Variants in COL17A1 observed in about 807,000 individuals in gnomAD.
COL17A1 encodes the protein collagen alpha-1(XVII) chain.
A neutral mutation model predicts 218.4 loss-of-function variants in COL17A1; 181 were observed. That is an observed-to-expected ratio of 0.83 (90% CI 0.73 to 0.94). The LOEUF (loss-of-function observed/expected upper bound fraction) is 0.94. COL17A1 is among the 40% of genes least tolerant of loss of function. The pLI, the probability that COL17A1 is intolerant of heterozygous loss-of-function variation, is 0.00. For synonymous variants in COL17A1, 721 were observed against 731.0 expected, an observed-to-expected ratio of 0.99 and a Z score of 0.22; for missense variants, 1,924 against 1,945.9, an observed-to-expected ratio of 0.99 and a Z score of 0.21.
chr10:104,074,640 C>G (rs531028751), intron 5 of COL17A1, among the ~76,000 whole-genome samples: 2 of 152,178 alleles, frequency 1.3e-5, no homozygotes, highest in Non-Finnish European at 2.9e-5. Flanking sequence ...AAACGTGGAC[C>G]CAGTTAAAAT....
chr10:104,069,418 AC>A lies in COL17A1; in HGVS notation c.607+1007del, dbSNP rs2086652106. Among the ~76,000 whole-genome samples the A allele has an allele frequency of 9.2e-5, 14 of 152,246 alleles. No individual in the cohort carries two copies. In the South Asian group the frequency reaches 2.9e-3, roughly 32 times the overall value. ...GAAAGTTTACACATTAAATGGGATTACTATACCCCTTGGCATCCCCCTTCCT... is the reference window on the plus strand; with the variant it reads ...GAAAGTTTACACATTAAATGGGATTATATACCCCTTGGCATCCCCCTTCCT... On this transcript the variant is annotated intron_variant, in intron 9 of 55. Coordinates refer to ENST00000648076, the MANE Select transcript of COL17A1 (RefSeq NM_000494.4).
Position 104,054,135 on chromosome 10 carries a change from A to C in COL17A1, c.1745-17T>G. The C allele has an allele frequency of 1.2e-6, 2 of 1,602,672 alleles. No homozygotes were observed. Among genetic ancestry groups the C allele is most frequent in the Non-Finnish European group, 1.7e-6 (2 of 1,174,606 alleles). ...CTCGATCTCCTGCAGGAACAAAGGC[A>C]AAAGAGAGAGTGGTCAGCCAGAAGA... On this transcript the variant is annotated splice_polypyrimidine_tract_variant and intron_variant, in intron 20 of 55. Coordinates refer to ENST00000648076, the MANE Select transcript of COL17A1 (RefSeq NM_000494.4).
Position 104,032,158 on chromosome 10 carries a change from C to T in COL17A1, c.*77G>A. 1 of 1,164,228 alleles carries T rather than the reference C, an allele frequency of 8.6e-7. No homozygotes were observed. 72.1% of individuals were successfully genotyped at this position (1,164,228 alleles called of 1,614,324 possible). Reference sequence around the variant, plus strand: ...TAGGACATTGACAGACTCCAGCTTTCACCCTCTGGAGACCTTGGACCTAAG... The same window carrying T: ...TAGGACATTGACAGACTCCAGCTTTTACCCTCTGGAGACCTTGGACCTAAG... On this transcript the variant is annotated 3_prime_UTR_variant, in exon 56 of 56. Coordinates refer to ENST00000648076, the MANE Select transcript of COL17A1 (RefSeq NM_000494.4).
At chr10:104,037,525 CAT>C in intron 46 of COL17A1, 109 bp downstream of exon 46, 1 of 1,362,660 alleles carries the variant, frequency 7.3e-7, no homozygotes, top group Non-Finnish European at 1.0e-6. Context: ...AATTAAAACT[CAT>C]GTTCCAGAGA....
chr10:104,038,966 C>A (rs2274099), intron 44 of COL17A1, 105 bp downstream of exon 44: 1 of 1,289,728 alleles, frequency 7.8e-7, no homozygotes, highest in African/African-American at 1.5e-5. Flanking sequence ...CAATCAACAA[C>A]GAATCATGGA....
intron 54 of COL17A1, 24 bp from the exon 55 acceptor site, chr10:104,032,778 CTAAG>C (rs773391955): frequency 5.0e-5 from 81 of 1,613,496 alleles, no homozygotes; most frequent in Admixed American, 4.5e-4. Flanking sequence ...TGGGGCGTAA[CTAAG>C]TAATACATGA....
At chr10:104,038,887 C>T (rs896745863) in intron 44 of COL17A1, among the ~76,000 whole-genome samples, 184 bp downstream of exon 44, 1 of 152,180 alleles carries the variant, frequency 6.6e-6, no homozygotes, top group African/African-American at 2.4e-5. Flanking sequence ...CTGGGTCCTT[C>T]CCCTCAACCC....
chr10:104,068,884 G>A (rs550428467), intron 9 of COL17A1, among the ~76,000 whole-genome samples: 1 of 151,940 alleles, frequency 6.6e-6, no homozygotes, highest in African/African-American at 2.4e-5. Context: ...GGCAAGATAG[G>A]GGCCACTCAA....
intron 10 of COL17A1, among the ~76,000 whole-genome samples, chr10:104,064,086 T>C (rs763790551): frequency 3.3e-5 from 5 of 152,228 alleles, no homozygotes; most frequent in African/African-American, 4.8e-5. Flanking sequence ...CTCTTGTGAG[T>C]GACCCCACTT....
In COL17A1 at chr10:104,057,034, A is replaced by G. The variant is rs1426450363; in HGVS notation, c.1406T>C (p.Leu469Pro). 6.2e-7 allele frequency: 1 copy of G among 1,601,670 alleles called. No individual in the cohort carries two copies. The highest frequency in any genetic ancestry group is 8.5e-7 in the Non-Finnish European group (1 of 1,174,392). ...TAGCAGCCAGGTGAGCAGCAGGCCC[A>G]GCAGCCACTTCCACCAGCTGCAGCA... ...GSCCSWWKWL[L>P]GLLLTWLLLL... Residue 469 changes from leucine (L) to proline (P), a missense_variant, in exon 17 of 56, where the codon CTG (leucine) becomes CCG (proline). Transcript: ENST00000648076.
At chr10:104,064,106 G>C (rs1162969409) in intron 10 of COL17A1, among the ~76,000 whole-genome samples, 3 of 152,152 alleles carry the variant, frequency 2.0e-5, no homozygotes, top group Non-Finnish European at 4.4e-5. Flanking sequence ...TTACAGAGAT[G>C]GTCCCTGAAG....
At chr10:104,034,949 A>G (rs1294338864) in intron 50 of COL17A1, among the ~76,000 whole-genome samples, 182 bp from the exon 51 acceptor site, 1 of 152,168 alleles carries the variant, frequency 6.6e-6, no homozygotes, top group African/African-American at 2.4e-5. Context: ...TCATCCAGGA[A>G]TGGCTGTTCC....
rs1239549794 is a variant in COL17A1 at position 104,058,068 on chromosome 10, AG to A, written c.1267+77del. On this transcript the variant is annotated intron_variant, in intron 16 of 55. Transcript: ENST00000648076. ...CTGTGCACTGCACTGCTTCCAGGCG[AG>A]GGACCATCATCTGGTCCATTAGCCA... is the stretch of plus-strand genomic sequence containing the variant. 3.7e-6 allele frequency: 6 copies of A among 1,600,012 alleles called. No homozygotes were observed. The African/African-American group carries it at 4.0e-5, about 11-fold the overall frequency.
intron 33 of COL17A1, among the ~76,000 whole-genome samples, 190 bp downstream of exon 33, chr10:104,045,568 G>A (rs2086400404): frequency 6.6e-6 from 1 of 152,080 alleles, no homozygotes; most frequent in Non-Finnish European, 1.5e-5. Flanking sequence ...TGTTTGGGGA[G>A]GGGTGGGGCT....
intron 23 of COL17A1, 43 bp from the exon 24 acceptor site, chr10:104,052,260 G>T (rs765634924): frequency 6.2e-7 from 1 of 1,612,558 alleles, no homozygotes; most frequent in Non-Finnish European, 8.5e-7. Context: ...AGAGGCCCCA[G>T]TGTGGCTGCC....
At position 104,041,132 on chromosome 10, in the gene COL17A1, C is replaced by T. The variant is rs957962854; in HGVS notation, c.2648-14G>A. ...GCAAACCCTCCCCTAGGAAAGAGAA[C>T]CCCCAAGACTTATTAGTGCCAAGAG... is the stretch of plus-strand genomic sequence containing the variant. On this transcript the variant is annotated splice_polypyrimidine_tract_variant and intron_variant, in intron 38 of 55. Transcript: ENST00000648076. 1.9e-6 allele frequency: 3 copies of T among 1,609,342 alleles called. No homozygotes were observed. Among genetic ancestry groups the T allele is most frequent in the Admixed American group, 3.4e-5 (2 of 59,686 alleles).
intron 9 of COL17A1, among the ~76,000 whole-genome samples, chr10:104,067,334 T>TAAAAAAAA (rs58260510): frequency 3.6e-5 from 4 of 110,418 alleles, no homozygotes; most frequent in African/African-American, 3.7e-5. Flanking sequence ...GGCTCAGGAA[T>TAAAAAAAA]AAAAAAAAAA....
chr10:104,053,261 T>A, intron 22 of COL17A1, 126 bp from the exon 23 acceptor site: 1 of 1,041,338 alleles, frequency 9.6e-7, no homozygotes, highest in Non-Finnish European at 1.4e-6. Flanking sequence ...GCTTCTCTCC[T>A]GGACCCCATA....
chr10:104,045,845 A>G (rs772845892), intron 32 of COL17A1, 52 bp from the exon 33 acceptor site: 2 of 1,503,758 alleles, frequency 1.3e-6, no homozygotes, highest in South Asian at 1.1e-5. Context: ...GCAATTCCAG[A>G]TACCCTTGGG....
Sources: allele counts gnomAD v4.1 joint callset (sites outside exome capture counted in the v4.1 genomes callset), GRCh38; gene constraint gnomAD v4.1.1; transcripts MANE v1.5; gene names NCBI Gene and HGNC (gene_info 2026-07-23, HGNC 2026-07-21).